The following PPM1B variants were observed in gnomAD, a reference collection of about 807,000 sequenced individuals.
PPM1B encodes the protein protein phosphatase, Mg2+/Mn2+ dependent 1B.
A neutral mutation model predicts 43.0 loss-of-function variants in PPM1B; 22 were observed. The ratio of observed to expected loss-of-function variants is 0.51; its 90% confidence interval spans 0.37 to 0.73. The LOEUF (loss-of-function observed/expected upper bound fraction) is 0.73. PPM1B is among the 30% of genes least tolerant of loss of function. The pLI is 0.00. For synonymous variants in PPM1B, 217 were observed against 197.9 expected, an observed-to-expected ratio of 1.10 and a Z score of -0.81; for missense variants, 632 against 584.2, an observed-to-expected ratio of 1.08 and a Z score of -0.84.
At chr2:44,199,280 T>G (rs1450489109) in intron 1 of PPM1B, among the ~76,000 whole-genome samples, 7 of 108,356 alleles carry the variant, frequency 6.5e-5, no homozygotes, top group Admixed American at 1.1e-4. Flanking sequence ...GAGCCGGGTG[T>G]GGTGGCACGT....
Position 44,241,006 on chromosome 2 carries a change from A to ATT in PPM1B, n.1547-3209_1547-3208dup, listed in dbSNP as rs113990864. On this transcript the variant is annotated intron_variant and non_coding_transcript_variant, in intron 5 of 5. Coordinates refer to the PPM1B transcript ENST00000378540. ...GAAATTGGGAAGCATCTTTATTTTT[A>ATT]TTTTTTTTTTTTTTGAGACGGAGTT... Among the ~76,000 whole-genome samples, 17 of 133,700 alleles carry ATT rather than the reference A, an allele frequency of 1.3e-4. 1 individual carries two copies. Among genetic ancestry groups the ATT allele is most frequent in the African/African-American group, 1.8e-4 (7 of 37,882 alleles). 87.7% of individuals were successfully genotyped at this position (133,700 alleles called of 152,430 possible).
chr2:44,230,190 G>T (rs1156701809), intron 5 of PPM1B: 1 of 1,419,472 alleles, frequency 7.0e-7, no homozygotes, highest in Non-Finnish European at 9.2e-7. Context: ...TGTGAAATAA[G>T]ACATAAACTA....
At chr2:44,210,357 T>TACA (rs1369560586) in intron 3 of PPM1B, among the ~76,000 whole-genome samples, 9 of 151,914 alleles carry the variant, frequency 5.9e-5, no homozygotes, top group Non-Finnish European at 1.3e-4. Context: ...TAGCTGGAAC[T>TACA]ACAGGCACGT....
intron 1 of PPM1B, among the ~76,000 whole-genome samples, chr2:44,191,554 A>G (rs984970385): frequency 6.6e-6 from 1 of 152,104 alleles, no homozygotes; most frequent in Middle Eastern, 3.2e-3. Flanking sequence ...ATGGCATCAC[A>G]CTGTATGTAT....
intron 3 of PPM1B, among the ~76,000 whole-genome samples, chr2:44,211,453 A>G (rs1448371533): frequency 1.3e-5 from 2 of 152,116 alleles, no homozygotes; most frequent in African/African-American, 2.4e-5. Flanking sequence ...GTGATTCTAG[A>G]TTCTTCTCAG....
chr2:44,231,565 A>G (rs763363961), downstream of PPM1B: 131 of 661,158 alleles, frequency 2.0e-4, no homozygotes, highest in Non-Finnish European at 2.4e-4. Flanking sequence ...TTGTATTTAT[A>G]TAACATTTAG....
At position 44,201,110 on chromosome 2, in the gene PPM1B, C is replaced by G. The variant is rs1668912223; in HGVS notation, c.-14-76C>G. ...AAAAAAATACTTGAGGTAGGAGTTACTAGACTATAGAGGGAATATTGTACA... is the reference window on the plus strand; with the variant it reads ...AAAAAAATACTTGAGGTAGGAGTTAGTAGACTATAGAGGGAATATTGTACA... On this transcript the variant is annotated intron_variant, in intron 1 of 5. Transcript: ENST00000282412. This position sits in a 1 kb window ranked among gnomAD's most constrained non-coding sequence, Gnocchi z 5.4. The G allele has an allele frequency of 7.2e-7, 1 of 1,397,068 alleles. No individual in the cohort carries two copies. The highest frequency in any genetic ancestry group is 1.4e-5 in the African/African-American group (1 of 69,202). 86.5% of individuals were successfully genotyped at this position (1,397,068 alleles called of 1,614,324 possible).
At chr2:44,170,630 T>G (rs1667289937) in intron 1 of PPM1B, among the ~76,000 whole-genome samples, 1 of 152,230 alleles carries the variant, frequency 6.6e-6, no homozygotes, top group Non-Finnish European at 1.5e-5. Flanking sequence ...TTAATAGATG[T>G]TATTTCATTT....
chr2:44,223,844 A>C (rs1356529650), intron 5 of PPM1B, among the ~76,000 whole-genome samples: 1 of 119,346 alleles, frequency 8.4e-6, no homozygotes, highest in Non-Finnish European at 1.7e-5. Context: ...AAAAAAAAAA[A>C]GAGAGAGAGA....
downstream of PPM1B, chr2:44,234,022 TAACC>T (rs1231502521): frequency 1.0e-6 from 1 of 981,594 alleles, no homozygotes; most frequent in Non-Finnish European, 1.2e-6. Context: ...GCAGTGAACA[TAACC>T]AACTTGTTAC....
intron 3 of PPM1B, among the ~76,000 whole-genome samples, chr2:44,215,325 G>C (rs1558420518): frequency 6.6e-6 from 1 of 152,158 alleles, no homozygotes; most frequent in Non-Finnish European, 1.5e-5. Flanking sequence ...TGAGCATGGT[G>C]GTGCACACCT....
intron 5 of PPM1B, among the ~76,000 whole-genome samples, chr2:44,225,143 C>A (rs947450627): frequency 6.6e-6 from 1 of 152,052 alleles, no homozygotes; most frequent in Non-Finnish European, 1.5e-5. Context: ...TGTAGGGTAC[C>A]TGTGAGGATT....
At chr2:44,226,012 G>T (rs1233834527) in intron 5 of PPM1B, among the ~76,000 whole-genome samples, 7 of 141,224 alleles carry the variant, frequency 5.0e-5, no homozygotes, top group African/African-American at 1.9e-4. Context: ...GTCTTGCTCT[G>T]TCGCCCAGGC....
At chr2:44,221,042 T>A (rs57457716) in intron 5 of PPM1B, among the ~76,000 whole-genome samples, 1 of 152,206 alleles carries the variant, frequency 6.6e-6, no homozygotes, top group East Asian at 1.9e-4. Flanking sequence ...ATGGACCACC[T>A]TATGTTTAGA....
intron 1 of PPM1B, among the ~76,000 whole-genome samples, chr2:44,176,915 G>T (rs1021041037): frequency 1.3e-5 from 2 of 152,228 alleles, no homozygotes; most frequent in African/African-American, 4.8e-5. Flanking sequence ...CAAGTAGCTG[G>T]GATTACAGGC....
chr2:44,180,281 G>A (rs1281253218), intron 1 of PPM1B, among the ~76,000 whole-genome samples: 2 of 152,126 alleles, frequency 1.3e-5, no homozygotes, highest in South Asian at 2.1e-4. Flanking sequence ...TAGAGCCAAA[G>A]ATGTTCTCAA....
intron 1 of PPM1B, among the ~76,000 whole-genome samples, chr2:44,195,290 A>G (rs547460054): frequency 6.6e-6 from 1 of 151,238 alleles, no homozygotes; most frequent in Non-Finnish European, 1.5e-5. Context: ...TACAGCCTCA[A>G]TCTCTTGGGC....
intron 1 of PPM1B, among the ~76,000 whole-genome samples, chr2:44,180,404 A>C (rs1667818603): frequency 6.6e-6 from 1 of 152,216 alleles, no homozygotes; most frequent in African/African-American, 2.4e-5. Context: ...CACAGTAAGT[A>C]GGTGTAATTG....
At chr2:44,202,641 A>C (rs1298219829) in intron 2 of PPM1B, among the ~76,000 whole-genome samples, 1 of 152,214 alleles carries the variant, frequency 6.6e-6, no homozygotes, top group Non-Finnish European at 1.5e-5. Context: ...CTTTTGTAGA[A>C]GATAAAATTC....
Sources: gnomAD v4.1 joint callset for allele counts (sites outside exome capture counted in the v4.1 genomes callset) on GRCh38, gnomAD v4.1.1 for gene constraint, Gnocchi (gnomAD v3.1) non-coding constraint, MANE v1.5 for transcripts, NCBI Gene and HGNC (gene_info 2026-07-23, HGNC 2026-07-21) for gene names.